Variants in WDR86 observed in about 807,000 individuals in gnomAD.
WDR86 encodes the protein WD repeat-containing protein 86.
Under a neutral mutation model 36.5 loss-of-function variants are expected in WDR86, and 30 were observed. That is an observed-to-expected ratio of 0.82 (90% CI 0.61 to 1.11). The LOEUF (loss-of-function observed/expected upper bound fraction) is 1.11. Ranked by LOEUF, WDR86 falls within the 50% of genes most tolerant of loss-of-function variation. The pLI is 0.00. For synonymous variants in WDR86, 255 were observed against 252.9 expected (o/e 1.01, Z -0.08); for missense variants, 545 against 561.2 (o/e 0.97, Z 0.29).
At chr7:151,377,137 T>G (rs369047105), downstream of WDR86, 248 of 1,589,264 alleles carry the variant, frequency 1.6e-4, no homozygotes, top group Non-Finnish European at 2.0e-4. Context: ...GAAGACTATC[T>G]TGACTCAACT....
intron 1 of WDR86, among the ~76,000 whole-genome samples, chr7:151,404,226 T>C (rs1800546815): frequency 6.8e-6 from 1 of 147,972 alleles, no homozygotes; most frequent in East Asian, 2.0e-4. Flanking sequence ...GAAAGGAAGG[T>C]TTAAAAAAAA....
rs1563049124 is a variant in WDR86, at chr7:151,388,066, C to T, written c.727-2843G>A. Among the ~76,000 whole-genome samples, 1 of 152,208 alleles carries T rather than the reference C, an allele frequency of 6.6e-6. No individual in the cohort carries two copies. The highest frequency in any genetic ancestry group is 6.5e-5 in the Admixed American group (1 of 15,286). On this transcript the variant is annotated intron_variant, in intron 3 of 5. Transcript: ENST00000334493. The surrounding 1 kb of genome is among the most constrained non-coding windows in gnomAD (Gnocchi z 4.2). ...AAACGCAGGTGCAATCTCTGCCCGC[C>T]GGCTCCTCAGGGTTGGGTGAGACTC...
At chr7:151,375,830 T>C (rs1326721889), downstream of WDR86, 5 of 1,528,204 alleles carry the variant, frequency 3.3e-6, no homozygotes, top group African/African-American at 5.5e-5. Context: ...GGGTAAAGGG[T>C]GTTCCTGTGT....
At position 151,401,714 on chromosome 7, in the gene WDR86, T is replaced by C. The variant is rs911075196; in HGVS notation, c.164-1473A>G. Among the ~76,000 whole-genome samples the C allele has an allele frequency of 2.0e-5, 3 of 152,022 alleles. No homozygotes were observed. The highest frequency in any genetic ancestry group is 1.3e-4 in the Admixed American group (2 of 15,244). ...TGTGGATGTGACGAGGTAAAGACTTTGACTGGGGAGATTATCCTAGATTAT... is the reference window on the plus strand; with the variant it reads ...TGTGGATGTGACGAGGTAAAGACTTCGACTGGGGAGATTATCCTAGATTAT... On this transcript the variant is annotated intron_variant, in intron 1 of 5. Transcript: ENST00000334493. The surrounding 1 kb of genome is among the most constrained non-coding windows in gnomAD (Gnocchi z 4.3).
At position 151,386,390 on chromosome 7, in the gene WDR86, G is replaced by A. The variant is rs73474446; in HGVS notation, c.727-1167C>T. Reference sequence around the variant, plus strand: ...TGCCCAGAGAAGGCAGTGGAACCACGAGGAGCACAATGTGGCCTCTGGGAG... The same window carrying A: ...TGCCCAGAGAAGGCAGTGGAACCACAAGGAGCACAATGTGGCCTCTGGGAG... On this transcript the variant is annotated intron_variant, in intron 3 of 5. Transcript: ENST00000334493. Among the ~76,000 whole-genome samples the A allele has an allele frequency of 3.6e-3, 552 of 152,300 alleles. 5 individuals carry two copies. Among genetic ancestry groups the A allele is most frequent in the African/African-American group, 0.012 (511 of 41,558 alleles).
chr7:151,398,449 GTA>G (rs1800040940), intron 2 of WDR86, among the ~76,000 whole-genome samples: 2 of 151,658 alleles, frequency 1.3e-5, no homozygotes, highest in African/African-American at 4.9e-5. Flanking sequence ...GTGTATGAGT[GTA>G]TGTGTGTGCA....
intron 1 of WDR86, among the ~76,000 whole-genome samples, chr7:151,407,503 G>A (rs971864750): frequency 2.6e-5 from 4 of 152,160 alleles, no homozygotes; most frequent in East Asian, 1.9e-4. Flanking sequence ...AGGGGCTCCC[G>A]GGGCCAGCTG....
chr7:151,377,071 A>C, downstream of WDR86: 1 of 1,567,122 alleles, frequency 6.4e-7, no homozygotes, highest in Non-Finnish European at 8.6e-7. Context: ...TCAACAGACG[A>C]AGACATGGAG....
intron 1 of WDR86, among the ~76,000 whole-genome samples, chr7:151,408,331 G>T (rs1017409434): frequency 6.6e-6 from 1 of 151,652 alleles, no homozygotes; most frequent in African/African-American, 2.4e-5. Flanking sequence ...CGAGTAGTTG[G>T]AATTACAGGC....
chr7:151,377,246 T>C, downstream of WDR86: 1 of 1,398,064 alleles, frequency 7.2e-7, no homozygotes, highest in Non-Finnish European at 9.7e-7. Flanking sequence ...GAAATAGCGC[T>C]AATTTTCTGC....
chr7:151,381,444 G>C lies in WDR86; in HGVS notation c.*138C>G. ...CACCAAAGAAAAACCAGACGCCTGCGACGGGCTCTCCTCCCGCCCGGGCTT... is the reference window on the plus strand; with the variant it reads ...CACCAAAGAAAAACCAGACGCCTGCCACGGGCTCTCCTCCCGCCCGGGCTT... On this transcript the variant is annotated 3_prime_UTR_variant, in exon 6 of 6. Transcript: ENST00000334493. The surrounding 1 kb of genome is among the most constrained non-coding windows in gnomAD (Gnocchi z 4.8). 4.7e-6 allele frequency: 7 copies of C among 1,492,058 alleles called. No individual in the cohort carries two copies. The highest frequency in any genetic ancestry group is 6.2e-6 in the Non-Finnish European group (7 of 1,128,674). 92.4% of individuals were successfully genotyped at this position (1,492,058 alleles called of 1,614,324 possible).
intron 3 of WDR86, among the ~76,000 whole-genome samples, chr7:151,391,532 G>A (rs1000778251): frequency 3.3e-5 from 5 of 152,148 alleles, no homozygotes; most frequent in African/African-American, 4.8e-5. Flanking sequence ...CTGGGAGCCC[G>A]GGCGAGACTG....
At position 151,409,866 on chromosome 7, in the gene WDR86, C is replaced by T. The variant is rs1801084679; in HGVS notation, c.-277G>A. On this transcript the variant is annotated 5_prime_UTR_variant, in exon 1 of 6. Coordinates refer to ENST00000334493, the MANE Select transcript of WDR86 (RefSeq NM_198285.3). The surrounding 1 kb of genome is among the most constrained non-coding windows in gnomAD (Gnocchi z 5.2). ...TGGGCGCGCGGGCAGAGAGAACCCC[C>T]TTCCCAGCACCGCTCGGAGGATCCA... 1 of 1,189,106 alleles carries T rather than the reference C, an allele frequency of 8.4e-7. No homozygotes were observed. Among genetic ancestry groups the T allele is most frequent in the African/African-American group, 1.6e-5 (1 of 63,204 alleles). The allele number at this position is 1,189,106 out of a possible 1,614,324, so 73.7% of individuals were successfully genotyped here.
At chr7:151,375,279 T>C (rs80246097), downstream of WDR86, among the ~76,000 whole-genome samples, 8,201 of 152,246 alleles carry the variant, frequency 0.054, 233 homozygotes, top group Admixed American at 0.078. Flanking sequence ...TGGAGAAATA[T>C]TAAGAGGTGG....
rs895353300 is a variant in WDR86, at chr7:151,381,781, G to A, written c.967-35C>T. ...CAGGGGCGGGCGTCACCGGTGACGC[G>A]GTAGGCGGGGGGGACACCGCTGCCC... On this transcript the variant is annotated intron_variant, in intron 5 of 5. Coordinates refer to ENST00000334493, the MANE Select transcript of WDR86 (RefSeq NM_198285.3). This position sits in a 1 kb window ranked among gnomAD's most constrained non-coding sequence, Gnocchi z 4.8. 6.7e-7 allele frequency: 1 copy of A among 1,486,476 alleles called. No homozygotes were observed. The highest frequency in any genetic ancestry group is 9.0e-7 in the Non-Finnish European group (1 of 1,114,478). 92.1% of individuals were successfully genotyped at this position (1,486,476 alleles called of 1,614,324 possible).
rs1011915121 is a variant in WDR86, at chr7:151,385,059, C to T, written c.862+29G>A. ...GAGAGGAGAAGCCAGGCTGGGGTGGCACAGGTCGTGCAGGGCCAAGTCACT... is the reference window on the plus strand; with the variant it reads ...GAGAGGAGAAGCCAGGCTGGGGTGGTACAGGTCGTGCAGGGCCAAGTCACT... On this transcript the variant is annotated intron_variant, in intron 4 of 5. Transcript: ENST00000334493. 5.8e-6 allele frequency: 9 copies of T among 1,563,418 alleles called. No homozygotes were observed. The African/African-American group carries it at 1.1e-4, about 19-fold the overall frequency.
the WDR86 span, among the ~76,000 whole-genome samples, chr7:151,370,230 G>A: frequency 9.2e-5 from 14 of 152,080 alleles, no homozygotes; most frequent in African/African-American, 3.4e-4. Context: ...GGAATTACAG[G>A]TGCCCACCAC....
intron 1 of WDR86, among the ~76,000 whole-genome samples, chr7:151,400,762 TAGTC>T (rs1280362457): frequency 1.3e-5 from 2 of 152,178 alleles, no homozygotes; most frequent in African/African-American, 2.4e-5. Context: ...GCACGACAGA[TAGTC>T]AGGGAAGTAA....
At chr7:151,375,986 G>A in exon 2 of WDR86, 1 of 1,348,712 alleles carries the variant, frequency 7.4e-7, no homozygotes, top group Non-Finnish European at 1.1e-6. Flanking sequence ...ACAGCCTCGG[G>A]TGGGGTTGCT....
Sources: gnomAD v4.1 joint callset for allele counts (sites outside exome capture counted in the v4.1 genomes callset) on GRCh38, gnomAD v4.1.1 for gene constraint, Gnocchi (gnomAD v3.1) non-coding constraint, MANE v1.5 for transcripts, NCBI Gene and HGNC (gene_info 2026-07-23, HGNC 2026-07-21) for gene names.